SLIT3: variants seen among roughly 807,000 people sequenced by gnomAD.
The protein encoded by SLIT3 is slit homolog 3 protein.
Under a neutral mutation model 184.0 loss-of-function variants are expected in SLIT3, and 68 were observed. The observed-to-expected ratio is 0.37, with a 90% CI of 0.30 to 0.45. SLIT3 has a LOEUF of 0.45. Ranked by LOEUF, SLIT3 falls within the 20% of genes least tolerant of loss-of-function variation. SLIT3 has a pLI of 1.00. For missense variants in SLIT3, 1,707 were observed against 2,026.0 expected (o/e 0.84, Z 3.02); for synonymous variants, 831 against 828.6 (o/e 1.00, Z -0.05).
Position 168,888,362 on chromosome 5 carries a change from C to T in SLIT3, c.414-5026G>A, listed in dbSNP as rs574660143. ...TGCTGGGTATGGTGACTCCAGCAAC[C>T]CAAGGACAGATTGCTGAAGATGTTC... On this transcript the variant is annotated intron_variant, in intron 4 of 35. Transcript: ENST00000519560. Among the ~76,000 whole-genome samples the T allele has an allele frequency of 3.3e-5, 5 of 152,262 alleles. No individual in the cohort carries two copies. The South Asian group carries it at 1.0e-3, about 32-fold the overall frequency.
At chr5:168,670,142 T>TAAC (rs1305359476) in intron 34 of SLIT3, 151 bp from the exon 35 acceptor site, 1 of 685,786 alleles carries the variant, frequency 1.5e-6, no homozygotes, top group Non-Finnish European at 2.5e-6. Context: ...TCTCTTTTCT[T>TAAC]AACCACCTTG....
At chr5:169,131,237 G>A (rs925401785) in intron 4 of SLIT3, among the ~76,000 whole-genome samples, 7 of 152,208 alleles carry the variant, frequency 4.6e-5, no homozygotes, top group South Asian at 2.1e-4. Context: ...TCTGTTTGGG[G>A]ATTACTGATT....
chr5:168,807,152 C>T (rs980024934), intron 8 of SLIT3, among the ~76,000 whole-genome samples: 10 of 151,978 alleles, frequency 6.6e-5, no homozygotes, highest in Admixed American at 5.2e-4. Context: ...AGCTATCTCG[C>T]CTGAAAAAAA....
At chr5:168,758,418 A>T (rs4867890) in intron 16 of SLIT3, among the ~76,000 whole-genome samples, 60,710 of 152,108 alleles carry the variant, frequency 0.4, 12,723 homozygotes, top group East Asian at 0.63. Flanking sequence ...TCATCTTAAT[A>T]TCTGCCTCAC....
chr5:168,814,513 G>A (rs1256597653), intron 8 of SLIT3, among the ~76,000 whole-genome samples: 2 of 152,144 alleles, frequency 1.3e-5, no homozygotes, highest in African/African-American at 2.4e-5. Context: ...ACTGGTTGTT[G>A]GTGGTGGCGT....
intron 3 of SLIT3, among the ~76,000 whole-genome samples, chr5:169,242,735 G>C (rs1765444163): frequency 6.6e-6 from 1 of 152,122 alleles, no homozygotes; most frequent in Non-Finnish European, 1.5e-5. Context: ...TAGCACAGCA[G>C]CTAGCATTAC....
intron 4 of SLIT3, among the ~76,000 whole-genome samples, chr5:169,189,468 G>A (rs1436461044): frequency 6.9e-6 from 1 of 144,726 alleles, no homozygotes; most frequent in African/African-American, 2.6e-5. Context: ...TTGTTGTGAT[G>A]GTTAAGTCTA....
chr5:168,804,253 T>C (rs931299997), intron 9 of SLIT3, among the ~76,000 whole-genome samples: 10 of 126,124 alleles, frequency 7.9e-5, no homozygotes, highest in Admixed American at 1.1e-4. Context: ...GAGGTTGCAG[T>C]GAGCCAAGAT....
At chr5:168,834,959 C>T (rs141927550) in intron 6 of SLIT3, among the ~76,000 whole-genome samples, 7 of 152,136 alleles carry the variant, frequency 4.6e-5, no homozygotes, top group South Asian at 2.1e-4. Context: ...ATGAGCTACA[C>T]GTGGCAATTC....
In SLIT3 at chr5:169,206,731, T is replaced by C. The variant is rs17667918; in HGVS notation, c.342-13181A>G. Among the ~76,000 whole-genome samples, 145 of 152,308 alleles carry C rather than the reference T, an allele frequency of 9.5e-4. 4 individuals carry two copies. In the East Asian group the frequency reaches 0.025, roughly 27 times the overall value. On this transcript the variant is annotated intron_variant, in intron 3 of 35. Coordinates refer to ENST00000519560, the MANE Select transcript of SLIT3 (RefSeq NM_003062.4). ...GCCTCTCTGTGTGTTTATCTAGGCA[T>C]TTACATCTACATTTACATATACAGC...
At chr5:169,281,917 AGTT>A (rs1211379307) in intron 1 of SLIT3, among the ~76,000 whole-genome samples, 1 of 152,196 alleles carries the variant, frequency 6.6e-6, no homozygotes, top group Non-Finnish European at 1.5e-5. Flanking sequence ...AACATTTTTG[AGTT>A]GTTATGAAAC....
chr5:169,059,777 C>T (rs956200405), intron 4 of SLIT3, among the ~76,000 whole-genome samples: 3 of 152,212 alleles, frequency 2.0e-5, no homozygotes, highest in Admixed American at 1.3e-4. Context: ...GAGGAGCTGC[C>T]CTTTGAAGGG....
At chr5:169,201,730 CA>C (rs1763909298) in intron 3 of SLIT3, among the ~76,000 whole-genome samples, 2 of 152,176 alleles carry the variant, frequency 1.3e-5, no homozygotes, top group African/African-American at 4.8e-5. Context: ...GCTGCTGTGC[CA>C]GGGGAAGAGA....
At chr5:169,284,350 C>G (rs771704357) in intron 1 of SLIT3, among the ~76,000 whole-genome samples, 1 of 152,200 alleles carries the variant, frequency 6.6e-6, no homozygotes, top group African/African-American at 2.4e-5. Context: ...TTCTCTATCC[C>G]ATGAGGGTAT....
At chr5:169,282,468 T>C (rs1767025428) in intron 1 of SLIT3, among the ~76,000 whole-genome samples, 1 of 152,166 alleles carries the variant, frequency 6.6e-6, no homozygotes. Context: ...TAATTATAAA[T>C]CAATTATGTC....
chr5:169,226,589 G>C (rs1764819319), intron 3 of SLIT3, among the ~76,000 whole-genome samples: 1 of 152,192 alleles, frequency 6.6e-6, no homozygotes, highest in African/African-American at 2.4e-5. Context: ...GGCTAGCTCA[G>C]AGAATGAAAT....
chr5:168,984,585 G>A (rs1026842926), intron 4 of SLIT3, among the ~76,000 whole-genome samples: 1 of 152,184 alleles, frequency 6.6e-6, no homozygotes, highest in Non-Finnish European at 1.5e-5. Context: ...AGGTGAGGCT[G>A]CATGGGGCCT....
At chr5:168,820,071 T>A (rs1183084132) in intron 7 of SLIT3, among the ~76,000 whole-genome samples, 1 of 152,196 alleles carries the variant, frequency 6.6e-6, no homozygotes, top group Non-Finnish European at 1.5e-5. Context: ...CAATACCATG[T>A]CAAATAGTAA....
At chr5:168,906,032 A>G (rs919355334) in intron 4 of SLIT3, among the ~76,000 whole-genome samples, 3 of 152,216 alleles carry the variant, frequency 2.0e-5, no homozygotes, top group African/African-American at 7.2e-5. Flanking sequence ...TCTAATCATC[A>G]GCAAGCCCGA....
Sources: allele counts gnomAD v4.1 joint callset (sites outside exome capture counted in the v4.1 genomes callset), GRCh38; gene constraint gnomAD v4.1.1; transcripts MANE v1.5; gene names NCBI Gene and HGNC (gene_info 2026-07-23, HGNC 2026-07-21).